The following MYO9A variants were observed in gnomAD, a reference collection of about 807,000 sequenced individuals.
MYO9A encodes the protein myosin IXA.
In MYO9A, 103 loss-of-function variants were observed where a neutral mutation model predicts 293.3. The observed-to-expected ratio is 0.35, with a 90% CI of 0.30 to 0.41. The LOEUF (loss-of-function observed/expected upper bound fraction) is 0.41. Among genes scored for constraint, MYO9A ranks in the 10% least tolerant of loss-of-function variants. The pLI is 1.00. For missense variants in MYO9A, 2,685 were observed against 3,033.0 expected (o/e 0.89, Z 2.69); for synonymous variants, 1,001 against 1,035.7 (o/e 0.97, Z 0.64).
At chr15:72,107,324 A>C (rs12593908) in intron 1 of MYO9A, among the ~76,000 whole-genome samples, 30,249 of 152,038 alleles carry the variant, frequency 0.2, 3,258 homozygotes, top group East Asian at 0.41. Flanking sequence ...TGAGGCAGGC[A>C]GATCACCTGA....
At chr15:72,014,316 A>C (rs2077259282) in intron 6 of MYO9A, among the ~76,000 whole-genome samples, 1 of 152,114 alleles carries the variant, frequency 6.6e-6, no homozygotes, top group South Asian at 2.1e-4. Context: ...TTCAAAGTCA[A>C]TTGTTCCAGT....
At chr15:71,839,889 G>C (rs2055082824) in intron 39 of MYO9A, among the ~76,000 whole-genome samples, 2 of 152,052 alleles carry the variant, frequency 1.3e-5, no homozygotes, top group South Asian at 4.1e-4. Flanking sequence ...AACTTGTAAA[G>C]ATCCCCAAAG....
intron 31 of MYO9A, among the ~76,000 whole-genome samples, chr15:71,877,206 G>A (rs951953577): frequency 6.6e-6 from 1 of 151,984 alleles, no homozygotes; most frequent in Admixed American, 6.6e-5. Flanking sequence ...CTGTAATATG[G>A]ATTTTATAAA....
intron 2 of MYO9A, among the ~76,000 whole-genome samples, chr15:72,034,296 G>A (rs186385400): frequency 3.5e-4 from 53 of 152,276 alleles, no homozygotes; most frequent in African/African-American, 1.2e-3. Context: ...CCCCCTTCGA[G>A]TGGTTCAGAT....
In MYO9A at chr15:71,898,159, T is replaced by G. The variant is rs2057384832; in HGVS notation, c.4344A>C (p.Glu1448Asp). Residue 1448 changes from glutamate (E) to aspartate (D), a missense_variant, in exon 25 of 42, where the codon GAA becomes GAC. Glu to Asp is a conservative substitution (Grantham distance 45, BLOSUM62 2). Around this residue, in one of 10 missense-constraint regions of MYO9A, gnomAD observed 1,434 missense variants for 1,497.7 expected, o/e 0.96. Transcript: ENST00000356056. ...SIQRNKLLEN[E>D]DTAGEALTLD... ...AAGTAAGAGCTTCCCCCGCTGTGTCTTCATTTTCCAATAGTTTGTTTCTTT... is the reference window on the plus strand; with the variant it reads ...AAGTAAGAGCTTCCCCCGCTGTGTCGTCATTTTCCAATAGTTTGTTTCTTT... The G allele has an allele frequency of 6.2e-7, 1 of 1,614,210 alleles. No individual in the cohort carries two copies. Among genetic ancestry groups the G allele is most frequent in the East Asian group, 2.2e-5 (1 of 44,882 alleles).
At chr15:71,835,496 CAG>C (rs2054903313) in intron 39 of MYO9A, among the ~76,000 whole-genome samples, 1 of 151,906 alleles carries the variant, frequency 6.6e-6, no homozygotes, top group Non-Finnish European at 1.5e-5. Flanking sequence ...CAATAAGCAA[CAG>C]AAAATAAAAA....
chr15:71,832,487 A>G (rs1267096904), intron 39 of MYO9A, among the ~76,000 whole-genome samples: 3 of 152,254 alleles, frequency 2.0e-5, no homozygotes, highest in East Asian at 1.9e-4. Flanking sequence ...CAAAAAAGGA[A>G]TAACTATTAG....
chr15:72,028,643 G>A (rs1420322409), intron 3 of MYO9A, among the ~76,000 whole-genome samples: 4 of 148,512 alleles, frequency 2.7e-5, no homozygotes, highest in Non-Finnish European at 5.9e-5. Context: ...GCAAAACTTC[G>A]TCTCAAAAAA....
rs28430988 is a variant in MYO9A, at chr15:71,867,393, A to G, written c.5980-4782T>C. 5.6e-3 allele frequency among the ~76,000 whole-genome samples: 858 copies of G among 152,316 alleles called. 12 individuals are homozygous for G. Among genetic ancestry groups the G allele is most frequent in the African/African-American group, 0.02 (812 of 41,554 alleles). ...AAGCTATGAAAAAAGAAGATTCACA[A>G]GTTTAATTTCTTAAAAATCTTCCAC... On this transcript the variant is annotated intron_variant, in intron 32 of 41. Coordinates refer to ENST00000356056, the MANE Select transcript of MYO9A (RefSeq NM_006901.4).
At chr15:72,010,966 TGTTAC>T (rs2077154749) in intron 6 of MYO9A, among the ~76,000 whole-genome samples, 1 of 152,064 alleles carries the variant, frequency 6.6e-6, no homozygotes, top group African/African-American at 2.4e-5. Context: ...TAATATAGTT[TGTTAC>T]ATCTATCTAA....
intron 1 of MYO9A, among the ~76,000 whole-genome samples, chr15:72,054,257 T>C (rs2078653976): frequency 1.3e-5 from 2 of 152,206 alleles, no homozygotes. Context: ...GAAAGGTCTC[T>C]GGATATCACT....
At chr15:72,015,689 T>G (rs2077312855) in intron 6 of MYO9A, among the ~76,000 whole-genome samples, 1 of 147,604 alleles carries the variant, frequency 6.8e-6, no homozygotes, top group South Asian at 2.3e-4. Flanking sequence ...TCAGGTTTTT[T>G]TTTTTTTTTT....
At chr15:71,974,430 G>A (rs2076086923) in intron 12 of MYO9A, among the ~76,000 whole-genome samples, 1 of 152,296 alleles carries the variant, frequency 6.6e-6, no homozygotes, top group African/African-American at 2.4e-5. Context: ...AGGCGGTTGG[G>A]GAAGGTGCTG....
At chr15:71,849,234 G>A (rs1406185598) in intron 38 of MYO9A, among the ~76,000 whole-genome samples, 1 of 152,136 alleles carries the variant, frequency 6.6e-6, no homozygotes, top group African/African-American at 2.4e-5. Context: ...TGGATCACCT[G>A]AGGTCAGGAG....
chr15:71,897,842 A>G lies in MYO9A; in HGVS notation c.4661T>C (p.Val1554Ala). The G allele has an allele frequency of 1.2e-6, 2 of 1,613,914 alleles. No individual in the cohort carries two copies. Among genetic ancestry groups the G allele is most frequent in the Non-Finnish European group, 1.7e-6 (2 of 1,179,970 alleles). Residue 1554 changes from valine to alanine, a missense_variant, in exon 25 of 42, where the codon GTA (valine) becomes GCA (alanine). Val to Ala is a moderately conservative substitution (Grantham distance 64). This residue lies in a region of MYO9A where 1,434 missense variants were observed against 1,497.7 expected (regional missense o/e 0.96). Transcript: ENST00000356056. ...APSSYQSKQR[V>A]ERPSSLLSLN... ...GCTGAGGAGAGAGGATGGCCTCTCT[A>G]CTCTTTGCTTTGACTGATAGGAAGA...
chr15:72,032,702 TA>T (rs1461797567), intron 2 of MYO9A, 114 bp from the exon 3 acceptor site: 1 of 571,488 alleles, frequency 1.7e-6, no homozygotes, highest in African/African-American at 1.9e-5. Flanking sequence ...AAAGAGACAG[TA>T]AAAAGACAAT....
At chr15:71,955,589 T>A (rs1245393346) in intron 14 of MYO9A, among the ~76,000 whole-genome samples, 1 of 152,212 alleles carries the variant, frequency 6.6e-6, no homozygotes, top group Non-Finnish European at 1.5e-5. Flanking sequence ...CACAATTTGG[T>A]CATCCATTCT....
intron 18 of MYO9A, among the ~76,000 whole-genome samples, chr15:71,922,456 C>A (rs901040732): frequency 3.9e-5 from 6 of 152,086 alleles, no homozygotes; most frequent in African/African-American, 1.4e-4. Flanking sequence ...TATTTCTTTG[C>A]GGTGAGATCA....
intron 19 of MYO9A, among the ~76,000 whole-genome samples, chr15:71,910,635 T>C (rs1482092341): frequency 1.3e-5 from 2 of 152,240 alleles, no homozygotes; most frequent in Non-Finnish European, 2.9e-5. Flanking sequence ...CAACATGTTG[T>C]ATAATCAGTT....
Sources: allele counts gnomAD v4.1 joint callset (sites outside exome capture counted in the v4.1 genomes callset), GRCh38; gene constraint gnomAD v4.1.1; regional missense constraint gnomAD v4.1.1; transcripts MANE v1.5; gene names NCBI Gene and HGNC (gene_info 2026-07-23, HGNC 2026-07-21).